The following LSAMP variants were observed in gnomAD, a reference collection of about 807,000 sequenced individuals.
LSAMP encodes the protein limbic system associated membrane protein.
LSAMP carries 7 observed loss-of-function variants against 38.6 expected under a neutral mutation model. The ratio of observed to expected loss-of-function variants is 0.18; its 90% CI spans 0.10 to 0.34. The LOEUF is 0.34. LSAMP is among the 10% of genes least tolerant of loss of function. The probability of loss-of-function intolerance (pLI) is 1.00; values close to 1 mark genes in which losing one functional copy is unlikely to be tolerated. For synonymous variants in LSAMP, 154 were observed against 166.8 expected, an observed-to-expected ratio of 0.92 and a Z score of 0.59; for missense variants, 313 against 420.0, an observed-to-expected ratio of 0.75 and a Z score of 2.23.
chr3:116,440,947 T>C (rs991421909), intron 1 of LSAMP, among the ~76,000 whole-genome samples: 1 of 152,208 alleles, frequency 6.6e-6, no homozygotes, highest in Admixed American at 6.5e-5. Context: ...TTAGTGAATA[T>C]TGCCATTCCA....
chr3:116,050,159 C>G (rs1941367616), intron 2 of LSAMP, among the ~76,000 whole-genome samples: 1 of 152,126 alleles, frequency 6.6e-6, no homozygotes, highest in African/African-American at 2.4e-5. Context: ...TTCCCTGACT[C>G]CCACAACACA....
intron 1 of LSAMP, among the ~76,000 whole-genome samples, chr3:116,236,589 A>G (rs1056183326): frequency 2.6e-5 from 4 of 152,140 alleles, no homozygotes; most frequent in African/African-American, 9.6e-5. Flanking sequence ...AGGCTATAAA[A>G]TTAGGTAAAA....
chr3:116,012,825 G>C (rs544336684), intron 3 of LSAMP, among the ~76,000 whole-genome samples: 5 of 152,170 alleles, frequency 3.3e-5, no homozygotes, highest in East Asian at 3.9e-4. Flanking sequence ...ATGATATCAA[G>C]AATTGCTAAT....
At position 115,979,252 on chromosome 3, in the gene LSAMP, C is replaced by T. The variant is rs73149072; in HGVS notation, c.514+40263G>A. On this transcript the variant is annotated intron_variant, in intron 3 of 6. Transcript: ENST00000490035. The stretch of plus-strand genomic sequence containing the variant: ...TCGTATTGAAGCTTCTCCATCAACC[C>T]TAGAACAATTAGCTTCCACCAGTAT... Among the ~76,000 whole-genome samples the T allele has an allele frequency of 8.0e-3, 1,192 of 148,938 alleles. 15 individuals carry two copies. Among genetic ancestry groups the T allele is most frequent in the South Asian group, 0.011 (54 of 4,742 alleles).
At chr3:115,913,067 A>T (rs960244708) in intron 3 of LSAMP, among the ~76,000 whole-genome samples, 2 of 152,230 alleles carry the variant, frequency 1.3e-5, no homozygotes, top group African/African-American at 4.8e-5. Flanking sequence ...TAGATTTTTA[A>T]GTAAAACTTG....
chr3:116,257,850 C>T (rs2046771184), intron 1 of LSAMP, among the ~76,000 whole-genome samples: 1 of 152,126 alleles, frequency 6.6e-6, no homozygotes, highest in East Asian at 1.9e-4. Flanking sequence ...TGTCATTTTT[C>T]CTTGTTGCAC....
chr3:116,299,841 A>G (rs1484532960), intron 1 of LSAMP, among the ~76,000 whole-genome samples: 1 of 151,922 alleles, frequency 6.6e-6, no homozygotes, highest in Non-Finnish European at 1.5e-5. Context: ...AGCATATCTC[A>G]GGGAACTGAA....
At chr3:116,272,507 C>G (rs2046987669) in intron 1 of LSAMP, among the ~76,000 whole-genome samples, 1 of 152,160 alleles carries the variant, frequency 6.6e-6, no homozygotes, top group African/African-American at 2.4e-5. Flanking sequence ...ATCATGCCCA[C>G]TGGCTAATAG....
intron 1 of LSAMP, among the ~76,000 whole-genome samples, chr3:116,383,206 A>G (rs761804109): frequency 4.6e-5 from 7 of 152,184 alleles, no homozygotes; most frequent in Non-Finnish European, 1.0e-4. Flanking sequence ...CTTGCTATGT[A>G]TAATACTTTG....
intron 3 of LSAMP, among the ~76,000 whole-genome samples, chr3:116,016,141 C>T (rs529159932): frequency 6.6e-6 from 1 of 152,194 alleles, no homozygotes; most frequent in South Asian, 2.1e-4. Flanking sequence ...CTTCACATTA[C>T]AGGCTGAAAA....
intron 1 of LSAMP, among the ~76,000 whole-genome samples, chr3:116,211,716 A>G (rs1009604340): frequency 3.3e-5 from 5 of 152,164 alleles, no homozygotes; most frequent in Non-Finnish European, 5.9e-5. Context: ...GATATCCCAT[A>G]TTTGGGCCCT....
intron 1 of LSAMP, among the ~76,000 whole-genome samples, chr3:116,110,808 C>G (rs1280571956): frequency 1.3e-5 from 2 of 152,126 alleles, no homozygotes; most frequent in African/African-American, 4.8e-5. Context: ...ATTTCATGCG[C>G]GTCCGTGTGA....
chr3:116,196,417 A>G (rs1333975060), intron 1 of LSAMP, among the ~76,000 whole-genome samples: 1 of 152,212 alleles, frequency 6.6e-6, no homozygotes, highest in Non-Finnish European at 1.5e-5. Flanking sequence ...TGAGAATTCT[A>G]CTAAACTCAC....
intron 1 of LSAMP, among the ~76,000 whole-genome samples, chr3:116,092,502 C>G (rs927999145): frequency 1.3e-5 from 2 of 152,100 alleles, no homozygotes; most frequent in African/African-American, 4.8e-5. Context: ...AACTGCAAAT[C>G]TATGATTTTT....
intron 3 of LSAMP, among the ~76,000 whole-genome samples, chr3:115,928,486 A>G (rs1937525786): frequency 6.6e-6 from 1 of 152,220 alleles, no homozygotes; most frequent in African/African-American, 2.4e-5. Flanking sequence ...TTCCTTTGCT[A>G]AAATGTAAAT....
At chr3:116,066,499 T>G (rs1293848643) in intron 2 of LSAMP, among the ~76,000 whole-genome samples, 3 of 152,230 alleles carry the variant, frequency 2.0e-5, no homozygotes, top group Non-Finnish European at 4.4e-5. Context: ...CTGTCAGATA[T>G]TATTGTCTTC....
At chr3:115,846,777 A>AG (rs1935173560) in intron 4 of LSAMP, among the ~76,000 whole-genome samples, 1 of 152,144 alleles carries the variant, frequency 6.6e-6, no homozygotes, top group African/African-American at 2.4e-5. Context: ...CATTCAGGGG[A>AG]GGGAGCATGC....
At chr3:116,284,174 C>T (rs2047164758) in intron 1 of LSAMP, among the ~76,000 whole-genome samples, 1 of 152,040 alleles carries the variant, frequency 6.6e-6, no homozygotes, top group Non-Finnish European at 1.5e-5. Flanking sequence ...GATTAGGAGG[C>T]TGATGATTTT....
intron 1 of LSAMP, among the ~76,000 whole-genome samples, chr3:116,179,163 GGCTTC>G: frequency 6.6e-6 from 1 of 152,276 alleles, no homozygotes; most frequent in Middle Eastern, 3.4e-3. Context: ...TACACACTAA[GGCTTC>G]TTTCTGTCTG....
Sources: allele counts gnomAD v4.1 joint callset (sites outside exome capture counted in the v4.1 genomes callset), GRCh38; gene constraint gnomAD v4.1.1; transcripts MANE v1.5; gene names NCBI Gene and HGNC (gene_info 2026-07-23, HGNC 2026-07-21).